LRRC36: variants seen among roughly 807,000 people sequenced by gnomAD.
LRRC36 encodes the protein leucine-rich repeat-containing protein 36.
LRRC36 carries 62 observed loss-of-function variants against 81.1 expected under a neutral mutation model. The ratio of observed to expected loss-of-function variants is 0.76; its 90% CI spans 0.62 to 0.94. The LOEUF (loss-of-function observed/expected upper bound fraction) is 0.94. Ranked by LOEUF, LRRC36 falls within the 40% of genes least tolerant of loss-of-function variation. LRRC36 has a pLI of 0.00. For missense variants in LRRC36, 761 were observed against 881.7 expected (o/e 0.86, Z 1.73); for synonymous variants, 334 against 348.6 (o/e 0.96, Z 0.47).
At position 67,326,880 on chromosome 16, in the gene LRRC36, G is replaced by A. The variant is rs2037197322; in HGVS notation, c.18G>A (p.Glu6=). Residue 6 remains glutamate (E), a synonymous_variant, in exon 1 of 14, where the codon GAG becomes GAA. Transcript: ENST00000329956. ...GGGCGGGGATGGCGGAGCAATGGGA[G>A]CTGGACGAGGAAGGCATTCGCCGCC... MAEQW[E]LDEEGIRRLG... The A allele has an allele frequency of 1.1e-5, 16 of 1,458,272 alleles. No individual in the cohort carries two copies. The highest frequency in any genetic ancestry group is 1.4e-5 in the South Asian group (1 of 69,218). 90.3% of individuals were successfully genotyped at this position (1,458,272 alleles called of 1,614,324 possible). A position where few individuals can be genotyped will look rare whatever the true frequency, so the allele number is the denominator to read the frequency against.
chr16:67,378,814 C>G, intron 12 of LRRC36, 102 bp downstream of exon 12: 1 of 1,283,314 alleles, frequency 7.8e-7, no homozygotes, highest in African/African-American at 1.5e-5. Flanking sequence ...ACGTGGCTGC[C>G]TTTGGCCTAC....
chr16:67,349,307 GT>G (rs879443968), intron 4 of LRRC36, among the ~76,000 whole-genome samples: 70 of 144,364 alleles, frequency 4.8e-4, no homozygotes, highest in African/African-American at 8.8e-4. Context: ...CTTGGGTGAA[GT>G]TTTTTTTTTT....
At position 67,375,114 on chromosome 16, in the gene LRRC36, G is replaced by A. The variant is rs541704598; in HGVS notation, c.1495-133G>A. The A allele has an allele frequency of 1.9e-3, 1,818 of 936,798 alleles. 2 individuals carry two copies. The highest frequency in any genetic ancestry group is 2.3e-3 in the Non-Finnish European group (1,441 of 630,040). The allele number at this position is 936,798 out of a possible 1,614,324, so 58.0% of individuals were successfully genotyped here. ...TGCACTCCAGCCTGGGTGACAGAGC[G>A]AGACTCCGTCTCCAAAAAAAAATTA... On this transcript the variant is annotated intron_variant, in intron 9 of 13. Coordinates refer to ENST00000329956, the MANE Select transcript of LRRC36 (RefSeq NM_018296.6).
In LRRC36 at chr16:67,363,592, T is replaced by C; in HGVS notation, c.580T>C (p.Ser194Pro). 1.2e-6 allele frequency: 2 copies of C among 1,613,788 alleles called. No individual in the cohort carries two copies. Among genetic ancestry groups the C allele is most frequent in the South Asian group, 2.2e-5 (2 of 91,070 alleles). ...GTTTGCTTTTTCTTTTAACACAGAC[T>C]CAAACAAAGGACTTTTTATTCCCTT... ...ANVDSRIEMD[S>P]NKGLFIPFPN... Residue 194 changes from serine (S) to proline (P), a missense_variant and splice_region_variant, in exon 6 of 14, where the codon TCA becomes CCA. Ser to Pro is a moderately conservative substitution (Grantham distance 74, BLOSUM62 -1). Around this residue, in one of 3 missense-constraint regions of LRRC36, gnomAD observed 263 missense variants for 279.3 expected, o/e 0.94. Coordinates refer to ENST00000329956, the MANE Select transcript of LRRC36 (RefSeq NM_018296.6).
Position 67,363,696 on chromosome 16 carries a change from C to A in LRRC36, c.684C>A (p.Thr228=). Residue 228 remains threonine (T), a synonymous_variant, in exon 6 of 14, where the codon ACC becomes ACA. Transcript: ENST00000329956. ...GNGTRDQKLD[T]FPLGTQTQEV... Reference sequence around the variant, plus strand: ...GTACACGTGATCAGAAATTAGACACCTTCCCACTGGGGACACAGGTAATGT... The same window carrying A: ...GTACACGTGATCAGAAATTAGACACATTCCCACTGGGGACACAGGTAATGT... 1.9e-6 allele frequency: 3 copies of A among 1,613,878 alleles called. No homozygotes were observed. Among genetic ancestry groups the A allele is most frequent in the Non-Finnish European group, 2.5e-6 (3 of 1,179,824 alleles).
chr16:67,341,905 G>T, intron 1 of LRRC36, 52 bp from the exon 2 acceptor site: 1 of 1,506,566 alleles, frequency 6.6e-7, no homozygotes, highest in South Asian at 1.3e-5. Context: ...CACTGACTCT[G>T]CTGTTGATCC....
At chr16:67,360,893 G>A (rs1477571977) in intron 5 of LRRC36, among the ~76,000 whole-genome samples, 1 of 152,062 alleles carries the variant, frequency 6.6e-6, no homozygotes, top group African/African-American at 2.4e-5. Context: ...ACATAATCCT[G>A]CTGGAAAAAA....
Position 67,326,840 on chromosome 16 carries a change from T to C in LRRC36, c.-23T>C, listed in dbSNP as rs757086708. 16 of 1,416,006 alleles carry C rather than the reference T, an allele frequency of 1.1e-5. No individual in the cohort carries two copies. Among genetic ancestry groups the C allele is most frequent in the Non-Finnish European group, 1.2e-5 (13 of 1,093,656 alleles). The allele number at this position is 1,416,006 out of a possible 1,614,324, so 87.7% of individuals were successfully genotyped here. On this transcript the variant is annotated 5_prime_UTR_variant, in exon 1 of 14. Transcript: ENST00000329956. Reference sequence around the variant, plus strand: ...GTGCGCCGGGTGGTCTCGCGGGCGGTGGCAGGTGAGCGGCGGGCGGGGATG... The same window carrying C: ...GTGCGCCGGGTGGTCTCGCGGGCGGCGGCAGGTGAGCGGCGGGCGGGGATG...
At chr16:67,351,658 G>A (rs976985928) in intron 5 of LRRC36, among the ~76,000 whole-genome samples, 3 of 152,180 alleles carry the variant, frequency 2.0e-5, no homozygotes, top group Non-Finnish European at 4.4e-5. Flanking sequence ...AGTGAGCCCA[G>A]ATTGCGCCAC....
chr16:67,373,367 T>A, intron 9 of LRRC36, among the ~76,000 whole-genome samples: 1 of 152,018 alleles, frequency 6.6e-6, no homozygotes, highest in East Asian at 1.9e-4. Context: ...CTGAAAGGTG[T>A]AAGTCAGAAA....
At chr16:67,352,616 G>A (rs1836634210) in intron 5 of LRRC36, among the ~76,000 whole-genome samples, 1 of 147,932 alleles carries the variant, frequency 6.8e-6, no homozygotes, top group Non-Finnish European at 1.5e-5. Flanking sequence ...TCTATTTTAC[G>A]GCCTTATTTA....
In LRRC36 at chr16:67,342,043, C is replaced by T. The variant is rs139430099; in HGVS notation, c.157C>T (p.Arg53Ter). Residue 53 changes from arginine (R) to a stop codon, truncating the protein, a stop_gained, in exon 2 of 14, where the codon CGA becomes TGA. Coordinates refer to ENST00000329956, the MANE Select transcript of LRRC36 (RefSeq NM_018296.6). LOFTEE classifies it high-confidence loss of function. ...TGCCTTCAGAAATTTTAAAAATCTC[C>T]GATCCTTAGATTTATCAAGGAATTT... is the stretch of plus-strand genomic sequence containing the variant. ...GDAFRNFKNL[R>*]SLDLSRNLIT... 3.6e-5 allele frequency: 58 copies of T among 1,609,882 alleles called. No individual in the cohort carries two copies. The highest frequency in any genetic ancestry group is 8.0e-5 in the African/African-American group (6 of 74,736).
At chr16:67,361,942 C>T (rs956079415) in intron 5 of LRRC36, among the ~76,000 whole-genome samples, 3 of 151,982 alleles carry the variant, frequency 2.0e-5, no homozygotes, top group Non-Finnish European at 4.4e-5. Flanking sequence ...AACTATAAAA[C>T]AAATCTTACC....
At chr16:67,333,819 C>T (rs910443611) in intron 1 of LRRC36, among the ~76,000 whole-genome samples, 11 of 152,144 alleles carry the variant, frequency 7.2e-5, no homozygotes, top group African/African-American at 2.2e-4. Context: ...AGAGAGTTCT[C>T]ATATACGCTT....
intron 1 of LRRC36, among the ~76,000 whole-genome samples, chr16:67,329,178 G>C (rs766868450): frequency 9.3e-5 from 14 of 151,068 alleles, no homozygotes; most frequent in Non-Finnish European, 1.9e-4. Flanking sequence ...CTAAGAGTTG[G>C]GATTATAAGT....
intron 2 of LRRC36, among the ~76,000 whole-genome samples, chr16:67,343,371 A>G (rs2038183005): frequency 6.6e-6 from 1 of 152,000 alleles, no homozygotes; most frequent in Admixed American, 6.6e-5. Flanking sequence ...GACCAGCCTG[A>G]GCAACATAGT....
intron 9 of LRRC36, chr16:67,371,475 C>A: frequency 1.8e-6 from 1 of 555,044 alleles, no homozygotes; most frequent in African/African-American, 1.9e-5. Context: ...AGAACTGTCC[C>A]TGATCTACTT....
intron 1 of LRRC36, among the ~76,000 whole-genome samples, chr16:67,328,154 G>A (rs2037292448): frequency 6.6e-6 from 1 of 152,190 alleles, no homozygotes; most frequent in African/African-American, 2.4e-5. Flanking sequence ...GGGGAAATAT[G>A]TAATATTTAC....
At chr16:67,352,424 C>G (rs1247399815) in intron 5 of LRRC36, among the ~76,000 whole-genome samples, 5 of 152,120 alleles carry the variant, frequency 3.3e-5, no homozygotes, top group Non-Finnish European at 4.4e-5. Context: ...GGTGTTTTCC[C>G]ACCAATCATT....
Sources: allele counts gnomAD v4.1 joint callset (sites outside exome capture counted in the v4.1 genomes callset), GRCh38; gene constraint gnomAD v4.1.1; regional missense constraint gnomAD v4.1.1; transcripts MANE v1.5; gene names NCBI Gene and HGNC (gene_info 2026-07-23, HGNC 2026-07-21).